DPP10: variants seen among roughly 807,000 people sequenced by gnomAD.
The protein encoded by DPP10 is dipeptidyl peptidase like 10.
DPP10 carries 33 observed loss-of-function variants against 120.9 expected under a neutral mutation model. That is an observed-to-expected ratio of 0.27 (90% CI 0.21 to 0.37). The LOEUF (loss-of-function observed/expected upper bound fraction) is 0.37. Among genes scored for constraint, DPP10 ranks in the 10% least tolerant of loss-of-function variants. The pLI is 1.00. For synonymous variants in DPP10, 337 were observed against 326.1 expected (o/e 1.03, Z -0.36); for missense variants, 816 against 942.8 (o/e 0.87, Z 1.76).
intron 1 of DPP10, among the ~76,000 whole-genome samples, chr2:114,674,583 A>T (rs973423717): frequency 5.9e-5 from 9 of 152,200 alleles, no homozygotes; most frequent in African/African-American, 1.9e-4. Flanking sequence ...TAGCTTTTAA[A>T]CTTTGTCATT....
chr2:114,541,098 GC>G (rs1434390474), intron 1 of DPP10, among the ~76,000 whole-genome samples: 1 of 152,162 alleles, frequency 6.6e-6, no homozygotes, highest in Non-Finnish European at 1.5e-5. Flanking sequence ...GAATTCTCTT[GC>G]CCACTTGGAA....
chr2:114,991,975 C>G (rs1205370040), intron 1 of DPP10, among the ~76,000 whole-genome samples: 1 of 152,182 alleles, frequency 6.6e-6, no homozygotes. Context: ...GAAATGAAAA[C>G]CTGGCCAAGG....
At position 115,842,591 on chromosome 2, in the gene DPP10, G is replaced by T; in HGVS notation, c.*246G>T. ...AGGGTTGGTTTCCTGGGAGAAATTA[G>T]TTTTGCATTAAAGTAGGAGTAGTGC... On this transcript the variant is annotated 3_prime_UTR_variant, in exon 26 of 26. Coordinates refer to ENST00000410059, the MANE Select transcript of DPP10 (RefSeq NM_020868.6). 2 of 338,830 alleles carry T rather than the reference G, an allele frequency of 5.9e-6. No individual in the cohort carries two copies. Among genetic ancestry groups the T allele is most frequent in the East Asian group, 4.7e-5 (1 of 21,280 alleles). 21.0% of individuals were successfully genotyped at this position (338,830 alleles called of 1,614,324 possible). A position where few individuals can be genotyped will look rare whatever the true frequency, so the allele number is the denominator to read the frequency against.
intron 3 of DPP10, among the ~76,000 whole-genome samples, chr2:115,406,086 C>T (rs2068489537): frequency 1.3e-5 from 2 of 152,226 alleles, no homozygotes; most frequent in African/African-American, 4.8e-5. Flanking sequence ...AATCTTTTCA[C>T]TCTACTTCCC....
chr2:115,825,655 G>C (rs1220358695), intron 21 of DPP10, among the ~76,000 whole-genome samples: 1 of 151,994 alleles, frequency 6.6e-6, no homozygotes, highest in Middle Eastern at 3.2e-3. Flanking sequence ...TTCACACATA[G>C]AATGTTCTAT....
At chr2:114,683,520 C>T (rs149809965) in intron 1 of DPP10, among the ~76,000 whole-genome samples, 1 of 148,504 alleles carries the variant, frequency 6.7e-6, no homozygotes, top group Non-Finnish European at 1.5e-5. Context: ...CCTCTCCCTT[C>T]CCTCTCCCTT....
intron 19 of DPP10, among the ~76,000 whole-genome samples, chr2:115,810,452 T>C (rs1375892968): frequency 2.0e-5 from 3 of 152,218 alleles, no homozygotes; most frequent in Non-Finnish European, 4.4e-5. Flanking sequence ...TTTTATGTCA[T>C]AAAGAGGTGA....
At chr2:115,681,250 T>C (rs1042983359) in intron 5 of DPP10, among the ~76,000 whole-genome samples, 5 of 152,002 alleles carry the variant, frequency 3.3e-5, no homozygotes, top group South Asian at 2.1e-4. Context: ...AAAAATAATT[T>C]TAGAGTTTTT....
intron 1 of DPP10, among the ~76,000 whole-genome samples, chr2:114,843,884 A>T (rs1558801413): frequency 6.6e-6 from 1 of 152,150 alleles, no homozygotes; most frequent in Non-Finnish European, 1.5e-5. Flanking sequence ...AGCCTATTTC[A>T]TAAATTTGTT....
At chr2:115,108,367 C>A (rs1216568917) in intron 1 of DPP10, among the ~76,000 whole-genome samples, 1 of 152,058 alleles carries the variant, frequency 6.6e-6, no homozygotes. Context: ...AAGCCTACGC[C>A]CCACGCAAAA....
At chr2:115,711,120 G>A (rs1403429942) in intron 7 of DPP10, among the ~76,000 whole-genome samples, 1 of 152,156 alleles carries the variant, frequency 6.6e-6, no homozygotes, top group Non-Finnish European at 1.5e-5. Flanking sequence ...ATAGCATGCA[G>A]ATAAAGCTAG....
chr2:115,092,093 G>C (rs1709312378), intron 1 of DPP10, among the ~76,000 whole-genome samples: 1 of 152,062 alleles, frequency 6.6e-6, no homozygotes, highest in Non-Finnish European at 1.5e-5. Flanking sequence ...TTTTTCTTAA[G>C]TAAAGAATTT....
At chr2:115,363,444 C>T (rs2064902815) in intron 3 of DPP10, among the ~76,000 whole-genome samples, 1 of 152,166 alleles carries the variant, frequency 6.6e-6, no homozygotes, top group Admixed American at 6.5e-5. Flanking sequence ...CTGAACCATT[C>T]AGCTGTGTTG....
rs1188497297 is a variant in DPP10 at position 115,836,225 on chromosome 2, G to T, written c.2019G>T (p.Val673=). ...AAAAGCTTTTTAAATGTGGATCCGTGGTTGCACCTATCACAGACTTGAAAT... is the reference window on the plus strand; with the variant it reads ...AAAAGCTTTTTAAATGTGGATCCGTTGTTGCACCTATCACAGACTTGAAAT... The part of the protein sequence containing the change: ...SDEKLFKCGS[V]VAPITDLKLY... The change falls in exon 22 of 26, where the codon GTG becomes GTT. Residue 673 remains valine (V), a synonymous_variant. Coordinates refer to ENST00000410059, the MANE Select transcript of DPP10 (RefSeq NM_020868.6). 1.9e-6 allele frequency: 3 copies of T among 1,609,644 alleles called. No homozygotes were observed. The South Asian group carries it at 3.3e-5, about 18-fold the overall frequency.
chr2:115,662,396 T>C (rs1018525576), intron 5 of DPP10, among the ~76,000 whole-genome samples: 2 of 151,924 alleles, frequency 1.3e-5, no homozygotes, highest in Admixed American at 1.3e-4. Flanking sequence ...TCAAGGTTGT[T>C]GTATCATAAG....
chr2:115,254,358 G>A (rs1171821263), intron 1 of DPP10, among the ~76,000 whole-genome samples: 2 of 152,158 alleles, frequency 1.3e-5, no homozygotes, highest in Non-Finnish European at 2.9e-5. Flanking sequence ...GACCCCCCAT[G>A]ATTCAATTTT....
chr2:115,446,846 T>G (rs1048568805), intron 3 of DPP10, among the ~76,000 whole-genome samples: 3 of 152,166 alleles, frequency 2.0e-5, no homozygotes, highest in African/African-American at 7.2e-5. Flanking sequence ...CTGCCTTATC[T>G]GTGTTTTACT....
At chr2:115,485,693 C>T (rs10496494) in intron 3 of DPP10, among the ~76,000 whole-genome samples, 83,573 of 151,822 alleles carry the variant, frequency 0.55, 24,487 homozygotes, top group Non-Finnish European at 0.67. Context: ...TGTCATTATG[C>T]ATTTGAAGAG....
At chr2:115,050,351 G>C (rs994599230) in intron 1 of DPP10, 1 of 152,060 alleles carries the variant, frequency 6.6e-6, no homozygotes. Flanking sequence ...GAGCAAAACA[G>C]ACCTCGCTCA....
Sources: allele counts gnomAD v4.1 joint callset (sites outside exome capture counted in the v4.1 genomes callset), GRCh38; gene constraint gnomAD v4.1.1; transcripts MANE v1.5; gene names NCBI Gene and HGNC (gene_info 2026-07-23, HGNC 2026-07-21).